Variants in ARVCF observed in about 807,000 individuals in gnomAD.
ARVCF encodes the protein splicing regulator ARVCF.
A neutral mutation model predicts 90.9 loss-of-function variants in ARVCF; 66 were observed. The ratio of observed to expected loss-of-function variants is 0.73; its 90% confidence interval spans 0.60 to 0.89. The LOEUF (loss-of-function observed/expected upper bound fraction) is 0.89. Ranked by LOEUF, ARVCF falls within the 40% of genes least tolerant of loss-of-function variation. The pLI, the probability that ARVCF is intolerant of heterozygous loss-of-function variation, is 0.00. For missense variants in ARVCF, 1,469 were observed against 1,382.3 expected (o/e 1.06, Z -1.00); for synonymous variants, 653 against 603.4 (o/e 1.08, Z -1.21).
chr22:19,998,034 G>A (rs1373383779), intron 2 of ARVCF, among the ~76,000 whole-genome samples: 1 of 152,220 alleles, frequency 6.6e-6, no homozygotes, highest in Non-Finnish European at 1.5e-5. Context: ...CCTGAGGAGC[G>A]AACTGACAGG....
At chr22:19,989,297 A>G (rs1476924027) in intron 3 of ARVCF, among the ~76,000 whole-genome samples, 1 of 152,070 alleles carries the variant, frequency 6.6e-6, no homozygotes, top group African/African-American at 2.4e-5. Context: ...CTCTGGGGAC[A>G]TTAATTTGAC....
downstream of ARVCF, chr22:19,968,703 C>A (rs1391980175): frequency 3.1e-6 from 5 of 1,613,166 alleles, no homozygotes; most frequent in African/African-American, 4.0e-5. Context: ...AGAAGGCCAT[C>A]TACAAGGGCC....
At chr22:19,971,993 G>A in intron 17 of ARVCF, 22 bp from the exon 18 acceptor site, 1 of 1,587,468 alleles carries the variant, frequency 6.3e-7, no homozygotes, top group Non-Finnish European at 8.6e-7. Context: ...GTAAGGTGGG[G>A]CATGAGGGGC....
rs555381280 is a variant in ARVCF, at chr22:19,999,735, G to A, written c.-18-8923C>T. On this transcript the variant is annotated intron_variant, in intron 2 of 19. Coordinates refer to ENST00000263207, the MANE Select transcript of ARVCF (RefSeq NM_001670.3). The stretch of plus-strand genomic sequence containing the variant: ...GGAGGGAGGGGCCGGGACCCTGAGT[G>A]GGAGGGTGCAAAGGGAGTCTCTGAG... 2.6e-5 allele frequency among the ~76,000 whole-genome samples: 4 copies of A among 152,278 alleles called. 1 individual carries two copies. The highest frequency in any genetic ancestry group is 9.6e-5 in the African/African-American group (4 of 41,532).
intron 19 of ARVCF, 85 bp downstream of exon 19, chr22:19,971,131 G>A (rs2146215605): frequency 6.5e-7 from 1 of 1,545,638 alleles, no homozygotes; most frequent in Non-Finnish European, 8.7e-7. Flanking sequence ...GGGAAGAGCA[G>A]AGCGTGCAGG....
chr22:20,004,950 T>C (rs758143644), intron 2 of ARVCF, among the ~76,000 whole-genome samples: 9 of 152,006 alleles, frequency 5.9e-5, no homozygotes, highest in Non-Finnish European at 8.8e-5. Context: ...GAAGAAAATA[T>C]AGGGGAAAGT....
intron 1 of ARVCF, among the ~76,000 whole-genome samples, chr22:20,014,836 T>C (rs1274590890): frequency 6.6e-6 from 1 of 152,138 alleles, no homozygotes; most frequent in African/African-American, 2.4e-5. Flanking sequence ...GACAGCCTCA[T>C]GCTCCCCCAG....
chr22:19,965,312 G>A (rs1263834735), downstream of ARVCF: 3 of 152,164 alleles, frequency 2.0e-5, no homozygotes, highest in South Asian at 4.1e-4. Context: ...AGGAGAGTTC[G>A]AGACCAGCCT....
chr22:19,991,667 C>T (rs1184044841), intron 2 of ARVCF, among the ~76,000 whole-genome samples: 2 of 152,236 alleles, frequency 1.3e-5, no homozygotes, highest in African/African-American at 2.4e-5. Context: ...GGGGAGCAGG[C>T]GGGGGCCATG....
chr22:19,965,164 G>C (rs1329181535), downstream of ARVCF: 1 of 155,238 alleles, frequency 6.4e-6, no homozygotes, highest in Non-Finnish European at 1.4e-5. Flanking sequence ...AATGTTCCAG[G>C]AACAATGGGA....
chr22:19,973,060 G>GTGGTGGCCCCTCCCCCGCC, intron 14 of ARVCF, 24 bp from the exon 15 acceptor site: 1 of 1,610,716 alleles, frequency 6.2e-7, no homozygotes, highest in Non-Finnish European at 8.5e-7. Flanking sequence ...GGCGGGGTCA[G>GTGGTGGCCCCTCCCCCGCC]TGGTGGCCCC....
At position 20,013,649 on chromosome 22, in the gene ARVCF, A is replaced by G. The variant is rs550167758; in HGVS notation, c.-73+2940T>C. ...CTCTGCCAGAGGCGGCAGCCCCTCAATCAGCAGGGGCAGTGGGAAGGGCCT... is the reference window on the plus strand; with the variant it reads ...CTCTGCCAGAGGCGGCAGCCCCTCAGTCAGCAGGGGCAGTGGGAAGGGCCT... On this transcript the variant is annotated intron_variant, in intron 1 of 19. Transcript: ENST00000263207. Among the ~76,000 whole-genome samples, 7 of 152,250 alleles carry G rather than the reference A, an allele frequency of 4.6e-5. No homozygotes were observed. The South Asian group carries it at 1.5e-3, about 32-fold the overall frequency.
Position 19,970,594 on chromosome 22 carries a change from G to GGGGGGGCC in ARVCF, c.*161_*162insGGCCCCCC. 3 of 522,912 alleles carry GGGGGGGCC rather than the reference G, an allele frequency of 5.7e-6. No homozygotes were observed. Among genetic ancestry groups the GGGGGGGCC allele is most frequent in the Non-Finnish European group, 6.3e-6 (2 of 314,970 alleles). The allele number at this position is 522,912 out of a possible 1,614,324, so 32.4% of individuals were successfully genotyped here. A position where few individuals can be genotyped will look rare whatever the true frequency, so the allele number is the denominator to read the frequency against. The stretch of plus-strand genomic sequence containing the variant: ...AGGATGGGGGGAGTGGGGTGGGGGG[G>GGGGGGGCC]CAGGAGGGTGTCCCCAAAGTCAGGC... On this transcript the variant is annotated 3_prime_UTR_variant, in exon 20 of 20. Transcript: ENST00000263207.
chr22:19,973,158 G>T lies in ARVCF; in HGVS notation c.2399C>A (p.Ala800Glu). 6.2e-7 allele frequency: 1 copy of T among 1,610,084 alleles called. No individual in the cohort carries two copies. The highest frequency in any genetic ancestry group is 8.5e-7 in the Non-Finnish European group (1 of 1,178,878). ...AGCCACCAACGCTGGCACCCCGCGTGCCTGCAGGAGCGAGCGCGCGTTATC... is the reference window on the plus strand; with the variant it reads ...AGCCACCAACGCTGGCACCCCGCGTTCCTGCAGGAGCGAGCGCGCGTTATC... ...SLDNARSLLQ[A>E]RGVPALVALV... The change falls in exon 14 of 20, where the codon GCA becomes GAA. Residue 800 changes from alanine (A) to glutamate (E), a missense_variant. Physicochemically the swap from Ala to Glu is moderately radical, Grantham distance 107 (BLOSUM62 -1). Coordinates refer to ENST00000263207, the MANE Select transcript of ARVCF (RefSeq NM_001670.3).
At position 19,990,743 on chromosome 22, in the gene ARVCF, C is replaced by A; in HGVS notation, c.52G>T (p.Glu18Ter). ...SAASILASVK[E>*]QEARFERLTR... ...AGCCTCTCGAAGCGGGCCTCCTGCTCCTTCACCGAGGCCAGGATGCTGGCG... is the reference window on the plus strand; with the variant it reads ...AGCCTCTCGAAGCGGGCCTCCTGCTACTTCACCGAGGCCAGGATGCTGGCG... Residue 18 changes from glutamate to a stop codon, truncating the protein, a stop_gained, in exon 3 of 20, where the codon GAG becomes TAG. Coordinates refer to ENST00000263207, the MANE Select transcript of ARVCF (RefSeq NM_001670.3). LOFTEE classifies it high-confidence loss of function. 6.3e-7 allele frequency: 1 copy of A among 1,591,100 alleles called. No homozygotes were observed.
intron 3 of ARVCF, among the ~76,000 whole-genome samples, chr22:19,986,374 T>C (rs1209347776): frequency 2.0e-5 from 3 of 152,140 alleles, no homozygotes; most frequent in African/African-American, 7.2e-5. Flanking sequence ...TCCCTGCCTG[T>C]TACTGAACCC....
At chr22:19,977,052 G>A (rs893288741) in intron 9 of ARVCF, among the ~76,000 whole-genome samples, 1 of 152,194 alleles carries the variant, frequency 6.6e-6, no homozygotes, top group Non-Finnish European at 1.5e-5. Context: ...TGCCCCACAG[G>A]TTGGTGGCAG....
chr22:20,004,058 T>G (rs1341155301), intron 2 of ARVCF, among the ~76,000 whole-genome samples: 1 of 152,126 alleles, frequency 6.6e-6, no homozygotes, highest in Non-Finnish European at 1.5e-5. Context: ...AGAAATCAGT[T>G]GCATTTCTAT....
chr22:19,966,129 C>G (rs1260976363), downstream of ARVCF, among the ~76,000 whole-genome samples: 1 of 152,178 alleles, frequency 6.6e-6, no homozygotes, highest in East Asian at 1.9e-4. Context: ...GTAATTATCT[C>G]AAAAGAAGCA....
Sources: gnomAD v4.1 joint callset for allele counts (sites outside exome capture counted in the v4.1 genomes callset) on GRCh38, gnomAD v4.1.1 for gene constraint, MANE v1.5 for transcripts, NCBI Gene and HGNC (gene_info 2026-07-23, HGNC 2026-07-21) for gene names.